Variants in NOL11 observed in about 807,000 individuals in gnomAD.
NOL11 encodes the protein nucleolar protein 11.
NOL11 carries 42 observed loss-of-function variants against 93.0 expected under a neutral mutation model. The observed-to-expected ratio is 0.45, with a 90% CI of 0.35 to 0.58. The LOEUF (loss-of-function observed/expected upper bound fraction) is 0.58. NOL11 is among the 20% of genes least tolerant of loss of function. The pLI is 0.00. For missense variants in NOL11, 775 were observed against 841.8 expected (o/e 0.92, Z 0.98); for synonymous variants, 296 against 293.7 (o/e 1.01, Z -0.08).
chr17:67,726,414 T>C (rs982241187), intron 6 of NOL11, 46 bp from the exon 7 acceptor site: 5 of 1,509,900 alleles, frequency 3.3e-6, no homozygotes, highest in African/African-American at 1.4e-5. Flanking sequence ...GTAATAGATA[T>C]AGAAGTATCC....
intron 3 of NOL11, 55 bp from the exon 4 acceptor site, chr17:67,721,323 A>T: frequency 9.2e-7 from 1 of 1,089,034 alleles, no homozygotes. Flanking sequence ...AAATATCCTT[A>T]TATTAGGTAT....
chr17:67,738,077 G>T (rs1406969302), intron 13 of NOL11, 45 bp from the exon 14 acceptor site: 3 of 1,552,420 alleles, frequency 1.9e-6, no homozygotes, highest in Admixed American at 2.0e-5. Flanking sequence ...TTTCCCAAAA[G>T]CTTGGTGATA....
intron 6 of NOL11, among the ~76,000 whole-genome samples, chr17:67,725,918 A>C (rs1005828914): frequency 6.6e-6 from 1 of 152,150 alleles, no homozygotes; most frequent in Non-Finnish European, 1.5e-5. Context: ...TATGTCTAAA[A>C]GAAAATTTTT....
intron 7 of NOL11, among the ~76,000 whole-genome samples, chr17:67,733,315 A>G (rs1470523581): frequency 2.0e-5 from 3 of 152,126 alleles, no homozygotes; most frequent in Admixed American, 2.0e-4. Flanking sequence ...CAGTGAGCCA[A>G]GATCGTGCCA....
rs529060106 is a variant in NOL11 at position 67,735,980 on chromosome 17, A to G, written c.1011A>G (p.Ser337=). Reference sequence around the variant, plus strand: ...TTCCATACAAGTGTGAAGTGTCATCATTAGCAGGTGCTCTTGGAAAACTCA... The same window carrying G: ...TTCCATACAAGTGTGAAGTGTCATCGTTAGCAGGTGCTCTTGGAAAACTCA... ...TVIPYKCEVS[S]LAGALGKLKH... The change falls in exon 9 of 18, where the codon TCA becomes TCG. Residue 337 remains serine (S), a synonymous_variant. Transcript: ENST00000253247. 1 of 1,611,392 alleles carries G rather than the reference A, an allele frequency of 6.2e-7. No individual in the cohort carries two copies. The highest frequency in any genetic ancestry group is 2.2e-5 in the East Asian group (1 of 44,678).
intron 11 of NOL11, 62 bp from the exon 12 acceptor site, chr17:67,737,446 G>GT: frequency 7.4e-7 from 1 of 1,348,342 alleles, no homozygotes; most frequent in Non-Finnish European, 1.0e-6. Flanking sequence ...GCTAGGAAAC[G>GT]TTAAGTTCAG....
At chr17:67,719,828 G>A (rs1453092819) in intron 2 of NOL11, 41 bp downstream of exon 2, 2 of 1,465,982 alleles carry the variant, frequency 1.4e-6, no homozygotes, top group South Asian at 1.2e-5. Flanking sequence ...CAATATAAAT[G>A]TTGATTATTA....
At chr17:67,739,171 G>A (rs1284571947) in intron 15 of NOL11, among the ~76,000 whole-genome samples, 161 bp downstream of exon 15, 2 of 152,192 alleles carry the variant, frequency 1.3e-5, no homozygotes, top group East Asian at 3.8e-4. Context: ...GAAAACTAGA[G>A]CGATACTAGG....
Position 67,734,423 on chromosome 17 carries a change from A to G in NOL11, c.914A>G (p.Gln305Arg), listed in dbSNP as rs1308097181. 1.2e-6 allele frequency: 2 copies of G among 1,602,438 alleles called. No homozygotes were observed. Among genetic ancestry groups the G allele is most frequent in the Non-Finnish European group, 1.7e-6 (2 of 1,169,848 alleles). ...QTLQTSKELP[Q>R]GTSGQLWYYG... The stretch of plus-strand genomic sequence containing the variant: ...CTACAGACTTCAAAAGAGTTACCAC[A>G]AGGGACCAGTGGTCAAGTAAGTTTT... The change falls in exon 8 of 18, where the codon CAA (glutamine) becomes CGA (arginine). Residue 305 changes from glutamine to arginine, a missense_variant. Physicochemically the swap from Gln to Arg is conservative, Grantham distance 43 (BLOSUM62 1). This residue lies in a region of NOL11 where 416 missense variants were observed against 525.2 expected (regional missense o/e 0.79). Coordinates refer to ENST00000253247, the MANE Select transcript of NOL11 (RefSeq NM_015462.5).
rs2055281089 is a variant in NOL11, at chr17:67,744,230, A to C, written c.*371A>C. The C allele has an allele frequency of 6.5e-6, 1 of 152,916 alleles. No individual in the cohort carries two copies. Among genetic ancestry groups the C allele is most frequent in the South Asian group, 2.1e-4 (1 of 4,866 alleles). 9.5% of individuals were successfully genotyped at this position (152,916 alleles called of 1,614,324 possible). ...TCTAGGAAGAATGTAATTTTATCAGAGTCAGAAGCTGCCCCTGCTCATTTG... is the reference window on the plus strand; with the variant it reads ...TCTAGGAAGAATGTAATTTTATCAGCGTCAGAAGCTGCCCCTGCTCATTTG... On this transcript the variant is annotated 3_prime_UTR_variant, in exon 18 of 18. Transcript: ENST00000253247.
At chr17:67,720,392 C>G (rs984186284) in intron 3 of NOL11, 1 of 152,104 alleles carries the variant, frequency 6.6e-6, no homozygotes, top group Non-Finnish European at 1.5e-5. Context: ...ACCTCCGCCT[C>G]CTGGGTTCAA....
At chr17:67,719,640 T>G in intron 1 of NOL11, 34 bp from the exon 2 acceptor site, 1 of 1,080,840 alleles carries the variant, frequency 9.3e-7, no homozygotes, top group African/African-American at 1.6e-5. Flanking sequence ...TGAAGTTGAC[T>G]TCTTGAATAT....
chr17:67,719,116 T>C (rs1231564206), intron 1 of NOL11: 4 of 152,192 alleles, frequency 2.6e-5, no homozygotes, highest in African/African-American at 9.6e-5. Context: ...TTTAGAGGTT[T>C]GGCCGGACGC....
chr17:67,742,389 G>A (rs1425639843), intron 16 of NOL11, among the ~76,000 whole-genome samples: 1 of 152,060 alleles, frequency 6.6e-6, no homozygotes, highest in Non-Finnish European at 1.5e-5. Flanking sequence ...TGCATTTCCT[G>A]TCTTTTGGTT....
chr17:67,733,052 A>G (rs923272642), intron 7 of NOL11, among the ~76,000 whole-genome samples: 7 of 152,056 alleles, frequency 4.6e-5, no homozygotes, highest in African/African-American at 1.7e-4. Flanking sequence ...GAGTAGAGTT[A>G]GTTTTACCTC....
intron 7 of NOL11, among the ~76,000 whole-genome samples, chr17:67,730,704 T>C (rs1239208306): frequency 6.6e-6 from 1 of 152,242 alleles, no homozygotes; most frequent in Non-Finnish European, 1.5e-5. Context: ...TGAGATATTT[T>C]GATACAGGCA....
In NOL11 at chr17:67,736,701, A is replaced by G; in HGVS notation, c.1090A>G (p.Thr364Ala). Residue 364 changes from threonine (T) to alanine (A), a missense_variant, in exon 10 of 18, where the codon ACA (threonine) becomes GCA (alanine). By Grantham distance (58) the Thr-to-Ala change is moderately conservative. Transcript: ENST00000253247. ...CGTGTCCCATTTTGTAAACTGGGAG[A>G]CACCTCAAGGATGTGGACTTGGGTT... ...HVVSHFVNWETPQGCGLGFQN... is the reference protein window; with the variant it reads ...HVVSHFVNWEAPQGCGLGFQN... 1.2e-6 allele frequency: 2 copies of G among 1,612,842 alleles called. No individual in the cohort carries two copies. Among genetic ancestry groups the G allele is most frequent in the Non-Finnish European group, 1.7e-6 (2 of 1,179,340 alleles).
At position 67,723,310 on chromosome 17, in the gene NOL11, C is replaced by T. The variant is rs536908435; in HGVS notation, c.519+673C>T. Among the ~76,000 whole-genome samples the T allele has an allele frequency of 1.6e-3, 238 of 150,182 alleles. 2 individuals carry two copies. The highest frequency in any genetic ancestry group is 5.6e-3 in the African/African-American group (230 of 40,986). On this transcript the variant is annotated intron_variant, in intron 5 of 17. Transcript: ENST00000253247. ...TACAGGCGTGAGCCACTGCGCCTGG[C>T]GCAAAACCATTATTTTTTAAACTAA...
At chr17:67,735,466 A>C (rs916556035) in intron 8 of NOL11, among the ~76,000 whole-genome samples, 1 of 150,654 alleles carries the variant, frequency 6.6e-6, no homozygotes. Context: ...ACTTTTTTTT[A>C]TTTCCTTGTT....
Sources: gnomAD v4.1 joint callset for allele counts (sites outside exome capture counted in the v4.1 genomes callset) on GRCh38, gnomAD v4.1.1 for gene constraint, gnomAD v4.1.1 regional missense constraint, MANE v1.5 for transcripts, NCBI Gene and HGNC (gene_info 2026-07-23, HGNC 2026-07-21) for gene names.